The following CDH2 variants were observed in gnomAD, a reference collection of about 807,000 sequenced individuals.
CDH2 encodes cadherin 2, also known as cadherin-2.
A neutral mutation model predicts 92.0 loss-of-function variants in CDH2; 17 were observed. The observed-to-expected ratio is 0.18, with a 90% CI of 0.13 to 0.28. CDH2 has a LOEUF of 0.28. Among genes scored for constraint, CDH2 ranks in the 10% least tolerant of loss-of-function variants. The pLI is 1.00. For synonymous variants in CDH2, 419 were observed against 415.9 expected (o/e 1.01, Z -0.09); for missense variants, 862 against 1,133.1 (o/e 0.76, Z 3.44).
At chr18:28,043,465 T>TAA (rs1567976385) in intron 2 of CDH2, among the ~76,000 whole-genome samples, 77 of 53,012 alleles carry the variant, frequency 1.5e-3, no homozygotes, top group African/African-American at 3.9e-3. Context: ...TAAATAAATA[T>TAA]ATATATATAT....
rs62103082 is a variant in CDH2 at position 28,018,190 on chromosome 18, C to T, written c.173-4281G>A. On this transcript the variant is annotated intron_variant, in intron 2 of 15. Transcript: ENST00000269141. ...AAAAAAAAAAAAAGGAGGCAACAGACTGCTGTAAGGAAAACTACAAAACAC... is the reference window on the plus strand; with the variant it reads ...AAAAAAAAAAAAAGGAGGCAACAGATTGCTGTAAGGAAAACTACAAAACAC... 9.7e-3 allele frequency among the ~76,000 whole-genome samples: 1,456 copies of T among 149,664 alleles called. 12 individuals are homozygous for T. Among genetic ancestry groups the T allele is most frequent in the East Asian group, 0.037 (191 of 5,100 alleles).
intron 1 of CDH2, among the ~76,000 whole-genome samples, chr18:28,175,710 G>A (rs1171772572): frequency 6.6e-6 from 1 of 152,200 alleles, no homozygotes; most frequent in Non-Finnish European, 1.5e-5. Context: ...TCCACCCCCG[G>A]AGCAGGCACT....
chr18:27,988,404 C>T (rs2012302574), intron 11 of CDH2, 120 bp downstream of exon 11: 6 of 791,736 alleles, frequency 7.6e-6, no homozygotes, highest in East Asian at 5.3e-5. Flanking sequence ...AGCTGGACCT[C>T]GGAATTATAA....
chr18:28,157,718 A>G (rs1304385035), intron 1 of CDH2, among the ~76,000 whole-genome samples: 1 of 152,140 alleles, frequency 6.6e-6, no homozygotes, highest in African/African-American at 2.4e-5. Flanking sequence ...CTAAAATATG[A>G]TTCTCGCATA....
chr18:27,953,642 A>G (rs1338938777), intron 15 of CDH2, among the ~76,000 whole-genome samples: 1 of 86,182 alleles, frequency 1.2e-5, no homozygotes, highest in African/African-American at 2.9e-5. Context: ...AGGGAAGAAG[A>G]GCAAAAAAAT....
intron 2 of CDH2, among the ~76,000 whole-genome samples, chr18:28,147,284 C>T (rs1568016614): frequency 1.3e-5 from 2 of 151,926 alleles, no homozygotes; most frequent in African/African-American, 2.4e-5. Context: ...ATAATAATTT[C>T]CTTTCTTTAA....
intron 2 of CDH2, among the ~76,000 whole-genome samples, chr18:28,017,698 C>G (rs2013291698): frequency 6.6e-6 from 1 of 151,830 alleles, no homozygotes. Flanking sequence ...TAAGGTGTGA[C>G]CTTAAAAATC....
At chr18:28,038,454 TGTGTG>T (rs2013882938) in intron 2 of CDH2, among the ~76,000 whole-genome samples, 1 of 151,414 alleles carries the variant, frequency 6.6e-6, no homozygotes, top group African/African-American at 2.4e-5. Context: ...TGTGTGTGTG[TGTGTG>T]TGTCTATGTG....
chr18:28,171,568 T>C (rs1029193164), intron 1 of CDH2, among the ~76,000 whole-genome samples: 2 of 152,124 alleles, frequency 1.3e-5, no homozygotes, highest in African/African-American at 2.4e-5. Context: ...AATTCAGGCA[T>C]ATAAAAAATA....
rs139373273 is a variant in CDH2 at position 27,993,500 on chromosome 18, C to T, written c.1158G>A (p.Thr386=). 2.9e-5 allele frequency: 46 copies of T among 1,613,330 alleles called. No homozygotes were observed. The highest frequency in any genetic ancestry group is 2.7e-4 in the African/African-American group (20 of 74,996). ...NDNPPEFTAM[T]FYGEVPENRV... ...TGTGTGAGTGACAGGCTGTACTCAC[C>T]GTCATGGCAGTAAACTCTGGAGGAT... Residue 386 remains threonine (T), a splice_region_variant and synonymous_variant, in exon 8 of 16, where the codon ACG becomes ACA. Transcript: ENST00000269141.
At chr18:28,046,747 CTTATT>C (rs991960732) in intron 2 of CDH2, among the ~76,000 whole-genome samples, 2 of 150,606 alleles carry the variant, frequency 1.3e-5, no homozygotes, top group Non-Finnish European at 3.0e-5. Flanking sequence ...AGATGTGCTA[CTTATT>C]TTAACTTTTA....
intron 9 of CDH2, 72 bp downstream of exon 9, chr18:27,992,583 A>C: frequency 7.9e-7 from 1 of 1,262,340 alleles, no homozygotes; most frequent in Non-Finnish European, 1.1e-6. Context: ...ATTGCAAAAC[A>C]ATGAGTGGGG....
intron 1 of CDH2, among the ~76,000 whole-genome samples, chr18:28,173,220 A>G (rs1470680829): frequency 1.3e-5 from 2 of 152,168 alleles, no homozygotes; most frequent in Non-Finnish European, 2.9e-5. Context: ...GGTTTAATAT[A>G]TAGTGTTTTA....
In CDH2 at chr18:28,083,723, C is replaced by T. The variant is rs143198180; in HGVS notation, c.172+63950G>A. 1.8e-3 allele frequency among the ~76,000 whole-genome samples: 276 copies of T among 152,170 alleles called. 2 individuals carry two copies. The highest frequency in any genetic ancestry group is 6.1e-3 in the African/African-American group (255 of 41,534). ...TAAAAGGTATGATGGATTTTAAGGT[C>T]GATTGAAAATATAAATATACACCCT... is the stretch of plus-strand genomic sequence containing the variant. On this transcript the variant is annotated intron_variant, in intron 2 of 15. Coordinates refer to ENST00000269141, the MANE Select transcript of CDH2 (RefSeq NM_001792.5).
intron 2 of CDH2, among the ~76,000 whole-genome samples, chr18:28,053,758 T>C (rs2014238552): frequency 6.6e-6 from 1 of 152,372 alleles, no homozygotes; most frequent in East Asian, 1.9e-4. Context: ...TTTTTAAGAC[T>C]ATTGGTCTTT....
intron 5 of CDH2, among the ~76,000 whole-genome samples, chr18:28,007,170 A>ATATATATATATATG (rs2012956248): frequency 7.5e-6 from 1 of 133,718 alleles, no homozygotes; most frequent in African/African-American, 3.3e-5. Context: ...AAAAAAATAT[A>ATATATATATATATG]TATATATATA....
At chr18:28,132,293 G>A (rs922999043) in intron 2 of CDH2, among the ~76,000 whole-genome samples, 2 of 152,176 alleles carry the variant, frequency 1.3e-5, no homozygotes, top group South Asian at 2.1e-4. Context: ...ATCAGCTAAC[G>A]TGACTGGAGG....
chr18:28,102,176 T>C (rs1169124876), intron 2 of CDH2, among the ~76,000 whole-genome samples: 1 of 152,142 alleles, frequency 6.6e-6, no homozygotes, highest in Admixed American at 6.6e-5. Context: ...CTCCCTCTCT[T>C]TGGGACAAAG....
chr18:28,020,712 T>G (rs997034545), intron 2 of CDH2, among the ~76,000 whole-genome samples: 1 of 152,066 alleles, frequency 6.6e-6, no homozygotes, highest in Non-Finnish European at 1.5e-5. Flanking sequence ...GAAACTATTC[T>G]GTATGATGCT....
Sources: gnomAD v4.1 joint callset for allele counts (sites outside exome capture counted in the v4.1 genomes callset) on GRCh38, gnomAD v4.1.1 for gene constraint, MANE v1.5 for transcripts, NCBI Gene and HGNC (gene_info 2026-07-23, HGNC 2026-07-21) for gene names.